The following BMPR1A variants were observed in gnomAD, a reference collection of about 807,000 sequenced individuals.
BMPR1A encodes bone morphogenetic protein receptor type-1A.
Under a neutral mutation model 66.0 loss-of-function variants are expected in BMPR1A, and 7 were observed. The observed-to-expected ratio is 0.11, with a 90% confidence interval of 0.06 to 0.20. BMPR1A has a LOEUF of 0.20. Ranked by LOEUF, BMPR1A falls within the 10% of genes least tolerant of loss-of-function variation. BMPR1A has a pLI of 1.00. For missense variants in BMPR1A, 408 were observed against 669.1 expected, an observed-to-expected ratio of 0.61 and a Z score of 4.31; for synonymous variants, 200 against 229.7, an observed-to-expected ratio of 0.87 and a Z score of 1.17.
chr10:86,921,368 A>G (rs554039903), intron 10 of BMPR1A, 152 bp from the exon 11 acceptor site: 4 of 958,118 alleles, frequency 4.2e-6, no homozygotes, highest in Non-Finnish European at 4.8e-6. Context: ...AGTATGTAGC[A>G]TGTATTTAAA....
At chr10:86,771,359 A>G (rs1841257632) in intron 1 of BMPR1A, among the ~76,000 whole-genome samples, 1 of 152,240 alleles carries the variant, frequency 6.6e-6, no homozygotes, top group South Asian at 2.1e-4. Flanking sequence ...GTTTTAGTTT[A>G]AAGAATGTTG....
chr10:86,913,329 A>T (rs1843519308), intron 8 of BMPR1A, among the ~76,000 whole-genome samples: 1 of 133,924 alleles, frequency 7.5e-6, no homozygotes, highest in Non-Finnish European at 1.5e-5. Context: ...AGGTTTCTCC[A>T]TGTTGGCCAG....
At chr10:86,897,936 A>T (rs1843249619) in intron 5 of BMPR1A, among the ~76,000 whole-genome samples, 1 of 152,280 alleles carries the variant, frequency 6.6e-6, no homozygotes, top group South Asian at 2.1e-4. Flanking sequence ...TTTTTAGCAC[A>T]CTAAAGCCTA....
intron 3 of BMPR1A, among the ~76,000 whole-genome samples, chr10:86,886,221 C>T (rs761960502): frequency 6.6e-6 from 1 of 152,170 alleles, no homozygotes; most frequent in Non-Finnish European, 1.5e-5. Context: ...GTGAGGCCTG[C>T]AGGACCCAGA....
chr10:86,843,124 C>T (rs1317366240), intron 2 of BMPR1A, among the ~76,000 whole-genome samples: 1 of 152,200 alleles, frequency 6.6e-6, no homozygotes, highest in South Asian at 2.1e-4. Context: ...GGTCAACTTA[C>T]CCGTTTAAGC....
chr10:86,786,261 A>G (rs1841514892), intron 1 of BMPR1A, among the ~76,000 whole-genome samples: 1 of 152,056 alleles, frequency 6.6e-6, no homozygotes, highest in Non-Finnish European at 1.5e-5. Context: ...AAACACAACA[A>G]AACTTCTCTG....
intron 1 of BMPR1A, among the ~76,000 whole-genome samples, chr10:86,807,341 T>G (rs1841901782): frequency 6.6e-6 from 1 of 151,916 alleles, no homozygotes; most frequent in African/African-American, 2.4e-5. Context: ...GAAGTATAAT[T>G]TATGGATTTG....
rs1276009112 is a variant in BMPR1A at position 86,842,859 on chromosome 10, A to AG, written c.-153+3880_-153+3881insG. ...AAAATCATCAGATCTTGTGAGACGTATTCACTACCAAGAGAACAGTATAGG... is the reference window on the plus strand; with the variant it reads ...AAAATCATCAGATCTTGTGAGACGTAGTTCACTACCAAGAGAACAGTATAGG... On this transcript the variant is annotated intron_variant, in intron 2 of 12. Transcript: ENST00000372037. 1.3e-3 allele frequency among the ~76,000 whole-genome samples: 193 copies of AG among 152,302 alleles called. 2 individuals carry two copies. The highest frequency in any genetic ancestry group is 4.5e-3 in the African/African-American group (187 of 41,568).
At chr10:86,766,617 CTTT>C (rs71019427) in intron 1 of BMPR1A, among the ~76,000 whole-genome samples, 3 of 131,288 alleles carry the variant, frequency 2.3e-5, no homozygotes, top group Non-Finnish European at 1.6e-5. Flanking sequence ...TCATATCAGT[CTTT>C]TTTTTTTTTT....
chr10:86,868,303 G>A (rs1842809545), intron 2 of BMPR1A, among the ~76,000 whole-genome samples: 1 of 152,226 alleles, frequency 6.6e-6, no homozygotes, highest in Non-Finnish European at 1.5e-5. Context: ...TTTATGTTTA[G>A]ATTTGCGGGA....
intron 2 of BMPR1A, among the ~76,000 whole-genome samples, chr10:86,851,563 C>T (rs910991108): frequency 2.0e-5 from 3 of 152,058 alleles, no homozygotes; most frequent in Non-Finnish European, 4.4e-5. Flanking sequence ...GTGATGTGTG[C>T]GGGGTGTACT....
At chr10:86,760,354 A>G (rs1027916997) in intron 1 of BMPR1A, among the ~76,000 whole-genome samples, 3 of 146,602 alleles carry the variant, frequency 2.0e-5, no homozygotes, top group Non-Finnish European at 4.5e-5. Context: ...CCTGGGTTCA[A>G]GGGATTCTCC....
chr10:86,854,917 C>A, intron 2 of BMPR1A: 1 of 174,512 alleles, frequency 5.7e-6, no homozygotes. Flanking sequence ...TCATTAAGTT[C>A]TTTTTTTTTC....
intron 9 of BMPR1A, among the ~76,000 whole-genome samples, chr10:86,917,940 C>T (rs1843602326): frequency 6.6e-6 from 1 of 152,184 alleles, no homozygotes; most frequent in Non-Finnish European, 1.5e-5. Flanking sequence ...ACCTCCAAAA[C>T]GTATTCACTC....
intron 11 of BMPR1A, among the ~76,000 whole-genome samples, chr10:86,922,350 GC>G (rs1199344259): frequency 6.6e-6 from 1 of 152,210 alleles, no homozygotes; most frequent in African/African-American, 2.4e-5. Context: ...TGTGAACAGT[GC>G]TGCAGCAAAC....
At chr10:86,864,523 G>C (rs1842755963) in intron 2 of BMPR1A, among the ~76,000 whole-genome samples, 1 of 152,148 alleles carries the variant, frequency 6.6e-6, no homozygotes, top group Admixed American at 6.5e-5. Flanking sequence ...CAACTCCGAG[G>C]CCTTGACTTA....
chr10:86,920,828 C>T (rs972635073), intron 10 of BMPR1A, among the ~76,000 whole-genome samples: 7 of 148,204 alleles, frequency 4.7e-5, no homozygotes, highest in Admixed American at 4.0e-4. Flanking sequence ...TTATCTACTA[C>T]TTTATCTTTT....
intron 5 of BMPR1A, among the ~76,000 whole-genome samples, chr10:86,894,093 G>A (rs1195324977): frequency 6.6e-6 from 1 of 152,220 alleles, no homozygotes; most frequent in Non-Finnish European, 1.5e-5. Flanking sequence ...AGTGTAATAT[G>A]CAGAATTGAG....
chr10:86,822,078 T>G (rs1842128033), intron 1 of BMPR1A, among the ~76,000 whole-genome samples: 1 of 152,146 alleles, frequency 6.6e-6, no homozygotes, highest in Admixed American at 6.5e-5. Flanking sequence ...TCCACCCACC[T>G]CGGCCTCCCA....
Sources: gnomAD v4.1 joint callset for allele counts (sites outside exome capture counted in the v4.1 genomes callset) on GRCh38, gnomAD v4.1.1 for gene constraint, MANE v1.5 for transcripts, NCBI Gene and HGNC (gene_info 2026-07-23, HGNC 2026-07-21) for gene names.